Variants in CDH23 observed in about 807,000 individuals in gnomAD.
CDH23 encodes the protein cadherin related 23.
Under a neutral mutation model 317.1 loss-of-function variants are expected in CDH23, and 189 were observed. That is an observed-to-expected ratio of 0.60 (90% confidence interval 0.53 to 0.67). CDH23 has a LOEUF of 0.67. Among genes scored for constraint, CDH23 ranks in the 30% least tolerant of loss-of-function variants. The probability of loss-of-function intolerance (pLI) is 0.00; values close to 1 mark genes in which losing one functional copy is unlikely to be tolerated. For synonymous variants in CDH23, 1,839 were observed against 1,876.8 expected, an observed-to-expected ratio of 0.98 and a Z score of 0.52; for missense variants, 4,401 against 4,592.4, an observed-to-expected ratio of 0.96 and a Z score of 1.20.
rs116244142 is a variant in CDH23, at chr10:71,814,831, G to C, written c.9739-121G>C. On this transcript the variant is annotated intron_variant, in intron 69 of 69. Transcript: ENST00000224721. ...GCAGGCAGTTTGAGAAACAGAGTCT[G>C]ACAGGCCTGCTGCGGTAGGAGCCCA... 4,120 of 1,173,332 alleles carry C rather than the reference G, an allele frequency of 3.5e-3. 112 individuals carry two copies. In the African/African-American group the frequency reaches 0.058, roughly 17 times the overall value. 72.7% of individuals were successfully genotyped at this position (1,173,332 alleles called of 1,614,324 possible).
At chr10:71,636,539 C>T (rs1329908384) in intron 11 of CDH23, among the ~76,000 whole-genome samples, 1 of 152,098 alleles carries the variant, frequency 6.6e-6, no homozygotes, top group East Asian at 1.9e-4. Flanking sequence ...CATTAATGGG[C>T]ATTACGGGCC....
intron 3 of CDH23, among the ~76,000 whole-genome samples, chr10:71,484,379 C>T (rs1047356749): frequency 3.3e-5 from 5 of 152,180 alleles, no homozygotes; most frequent in African/African-American, 7.2e-5. Flanking sequence ...GAGGAGGCAG[C>T]GGCAGGAAAC....
intron 1 of CDH23, among the ~76,000 whole-genome samples, chr10:71,411,764 T>C (rs1354260521): frequency 1.3e-5 from 2 of 152,230 alleles, no homozygotes; most frequent in Non-Finnish European, 2.9e-5. Context: ...ATTTTTCAAA[T>C]TAGGAAAGTT....
intron 19 of CDH23, among the ~76,000 whole-genome samples, chr10:71,688,636 T>A (rs199563168): frequency 8.5e-6 from 1 of 117,540 alleles, no homozygotes; most frequent in South Asian, 3.1e-4. Context: ...CCAGGGGTGG[T>A]GGAGTCAGGG....
intron 9 of CDH23, among the ~76,000 whole-genome samples, chr10:71,603,670 A>T (rs1306333648): frequency 1.3e-5 from 2 of 151,928 alleles, no homozygotes; most frequent in Non-Finnish European, 2.9e-5. Flanking sequence ...TCCTGGCCAG[A>T]CTCCGGGCCC....
At position 71,483,921 on chromosome 10, in the gene CDH23, C is replaced by A. The variant is rs372889474; in HGVS notation, c.146-26161C>A. Among the ~76,000 whole-genome samples, 68 of 152,302 alleles carry A rather than the reference C, an allele frequency of 4.5e-4. 1 individual carries two copies. The South Asian group carries it at 0.013, about 30-fold the overall frequency. On this transcript the variant is annotated intron_variant, in intron 3 of 69. Transcript: ENST00000224721. ...ACATGTGCCTGTGCACACACACATG[C>A]CCCCTCACATGCACATTTTTACATC...
chr10:71,488,574 G>C (rs1472202504), intron 3 of CDH23, among the ~76,000 whole-genome samples: 1 of 152,194 alleles, frequency 6.6e-6, no homozygotes, highest in Non-Finnish European at 1.5e-5. Context: ...GACCCACTCA[G>C]AGTTTCTTTA....
In CDH23 at chr10:71,812,618, G is replaced by C; in HGVS notation, c.9510+9G>C. The C allele has an allele frequency of 6.2e-7, 1 of 1,613,610 alleles. No individual in the cohort carries two copies. Among genetic ancestry groups the C allele is most frequent in the Non-Finnish European group, 8.5e-7 (1 of 1,179,894 alleles). ...GCCCCACGCGCACCCATGTGAGCCA[G>C]AGGCGGTCAGGCATCACAAGGGGCA... On this transcript the variant is annotated intron_variant, in intron 67 of 69. Coordinates refer to ENST00000224721, the MANE Select transcript of CDH23 (RefSeq NM_022124.6).
chr10:71,789,302 A>G (rs1444958571), intron 45 of CDH23, among the ~76,000 whole-genome samples: 1 of 152,124 alleles, frequency 6.6e-6, no homozygotes, highest in African/African-American at 2.4e-5. Context: ...CTGCCCCACC[A>G]TCCCTCAAGA....
rs182413122 is a variant in CDH23 at position 71,658,344 on chromosome 10, C to T, written c.1449+11727C>T. The stretch of plus-strand genomic sequence containing the variant: ...GCAGGCTGTCGCCTTTCTTCCACTG[C>T]GGCTGGGGTGCCCCCGCCTCTGCCT... On this transcript the variant is annotated intron_variant, in intron 14 of 69. Transcript: ENST00000224721. Among the ~76,000 whole-genome samples, 7 of 152,246 alleles carry T rather than the reference C, an allele frequency of 4.6e-5. No homozygotes were observed. The East Asian group carries it at 1.4e-3, about 29-fold the overall frequency.
chr10:71,649,751 A>G (rs567602463), intron 14 of CDH23, among the ~76,000 whole-genome samples: 1 of 152,272 alleles, frequency 6.6e-6, no homozygotes, highest in East Asian at 1.9e-4. Flanking sequence ...TTCCATCCAA[A>G]TTTGGTTGAA....
intron 2 of CDH23, among the ~76,000 whole-genome samples, chr10:71,440,863 T>TG (rs1326940658): frequency 1.3e-5 from 2 of 152,096 alleles, no homozygotes; most frequent in Non-Finnish European, 2.9e-5. Flanking sequence ...CACATTCCTG[T>TG]GGGGGGCCAG....
chr10:71,776,215 C>A (rs372092201), intron 38 of CDH23, among the ~76,000 whole-genome samples: 1 of 152,204 alleles, frequency 6.6e-6, no homozygotes, highest in South Asian at 2.1e-4. Context: ...CAATGCCCTC[C>A]ACCCCCAAGA....
chr10:71,551,151 T>C (rs1856573267), intron 6 of CDH23, among the ~76,000 whole-genome samples: 1 of 152,252 alleles, frequency 6.6e-6, no homozygotes, highest in Non-Finnish European at 1.5e-5. Context: ...AGGACTTCCG[T>C]CGAAATTCCG....
At chr10:71,460,490 C>T (rs983632581) in intron 3 of CDH23, among the ~76,000 whole-genome samples, 1 of 152,252 alleles carries the variant, frequency 6.6e-6, no homozygotes, top group Non-Finnish European at 1.5e-5. Context: ...AATATGCTGG[C>T]GTCCGACTGG....
chr10:71,472,820 C>T (rs1328135147), intron 3 of CDH23, among the ~76,000 whole-genome samples: 1 of 152,044 alleles, frequency 6.6e-6, no homozygotes, highest in Non-Finnish European at 1.5e-5. Flanking sequence ...CAGTGTGGTC[C>T]CAGGTGGTGG....
At chr10:71,677,875 C>G (rs1231294559) in intron 16 of CDH23, among the ~76,000 whole-genome samples, 182 bp downstream of exon 16, 1 of 152,204 alleles carries the variant, frequency 6.6e-6, no homozygotes, top group Non-Finnish European at 1.5e-5. Context: ...AAGCAATCCT[C>G]CTGTCTCTGC....
chr10:71,447,828 A>G (rs1162701842), intron 3 of CDH23, among the ~76,000 whole-genome samples: 1 of 152,110 alleles, frequency 6.6e-6, no homozygotes, highest in Non-Finnish European at 1.5e-5. Context: ...ACACACCTGT[A>G]TTCTTTGGGT....
intron 6 of CDH23, among the ~76,000 whole-genome samples, chr10:71,557,956 T>C (rs533417123): frequency 2.0e-5 from 3 of 151,990 alleles, no homozygotes; most frequent in Non-Finnish European, 4.4e-5. Flanking sequence ...ATGTTACTTT[T>C]TGGATGATTT....
Sources: gnomAD v4.1 joint callset for allele counts (sites outside exome capture counted in the v4.1 genomes callset) on GRCh38, gnomAD v4.1.1 for gene constraint, MANE v1.5 for transcripts, NCBI Gene and HGNC (gene_info 2026-07-23, HGNC 2026-07-21) for gene names.